The following GABRA2 variants were observed in gnomAD, a reference collection of about 807,000 sequenced individuals.
GABRA2 encodes the protein gamma-aminobutyric acid receptor subunit alpha-2.
Under a neutral mutation model 48.7 loss-of-function variants are expected in GABRA2, and 16 were observed. That is an observed-to-expected ratio of 0.33 (90% CI 0.22 to 0.50). The LOEUF is 0.50. Ranked by LOEUF, GABRA2 falls within the 20% of genes least tolerant of loss-of-function variation. The pLI, the probability that GABRA2 is intolerant of heterozygous loss-of-function variation, is 0.98. For missense variants in GABRA2, 275 were observed against 535.6 expected (o/e 0.51, Z 4.80); for synonymous variants, 185 against 184.5 (o/e 1.00, Z -0.02).
At chr4:46,381,599 G>T (rs760340768) in intron 3 of GABRA2, among the ~76,000 whole-genome samples, 2 of 152,122 alleles carry the variant, frequency 1.3e-5, no homozygotes, top group Non-Finnish European at 2.9e-5. Context: ...CCTATCAATT[G>T]TATGTCACAT....
intron 8 of GABRA2, among the ~76,000 whole-genome samples, chr4:46,264,028 T>A (rs1021967679): frequency 7.2e-5 from 11 of 151,996 alleles, no homozygotes; most frequent in Non-Finnish European, 1.3e-4. Flanking sequence ...TTTCAGTGTA[T>A]AAGTCTTTCA....
chr4:46,304,599 T>C (rs866491320), intron 7 of GABRA2, among the ~76,000 whole-genome samples: 172 of 152,074 alleles, frequency 1.1e-3, no homozygotes, highest in African/African-American at 4.0e-3. Flanking sequence ...TCATAAATTA[T>C]CTAGAATAGG....
chr4:46,291,444 C>T (rs931463019), intron 8 of GABRA2, among the ~76,000 whole-genome samples: 10 of 152,124 alleles, frequency 6.6e-5, no homozygotes, highest in African/African-American at 2.2e-4. Flanking sequence ...ATCCTGGGTG[C>T]GTCTGTGAGG....
At chr4:46,328,788 T>C (rs1162810747) in intron 4 of GABRA2, among the ~76,000 whole-genome samples, 1 of 152,080 alleles carries the variant, frequency 6.6e-6, no homozygotes, top group Non-Finnish European at 1.5e-5. Context: ...CACAGCCACG[T>C]CTCATTGCTC....
chr4:46,254,937 C>T (rs1244368478), intron 9 of GABRA2, among the ~76,000 whole-genome samples: 1 of 151,516 alleles, frequency 6.6e-6, no homozygotes, highest in African/African-American at 2.4e-5. Context: ...ATTAACTCCA[C>T]ATTGTCCCCT....
chr4:46,261,898 T>C (rs1402387111), intron 9 of GABRA2, 28 bp downstream of exon 9: 1 of 1,574,238 alleles, frequency 6.4e-7, no homozygotes. Flanking sequence ...ATTTTCTTAA[T>C]AATGATAACA....
intron 8 of GABRA2, among the ~76,000 whole-genome samples, chr4:46,290,458 T>C (rs182378939): frequency 1.3e-5 from 2 of 152,256 alleles, no homozygotes; most frequent in African/African-American, 2.4e-5. Flanking sequence ...CAATGATTTG[T>C]AGTTTTCAGT....
intron 3 of GABRA2, among the ~76,000 whole-genome samples, chr4:46,345,952 G>C (rs947577422): frequency 4.0e-5 from 6 of 151,878 alleles, no homozygotes; most frequent in Non-Finnish European, 8.8e-5. Context: ...AGTAAATCAG[G>C]CTGTAGATGA....
At chr4:46,263,144 TAAC>T (rs1157725837) in intron 8 of GABRA2, among the ~76,000 whole-genome samples, 1 of 151,714 alleles carries the variant, frequency 6.6e-6, no homozygotes, top group East Asian at 1.9e-4. Context: ...GAAATGAAAA[TAAC>T]AAATCAGCAG....
chr4:46,256,152 T>A, intron 9 of GABRA2: 1 of 533,698 alleles, frequency 1.9e-6, no homozygotes, highest in Non-Finnish European at 3.4e-6. Flanking sequence ...ATGCTATTGT[T>A]AACTGTCTAC....
chr4:46,284,054 C>A (rs572704404), intron 8 of GABRA2, among the ~76,000 whole-genome samples: 1 of 146,046 alleles, frequency 6.8e-6, no homozygotes, highest in Non-Finnish European at 1.5e-5. Flanking sequence ...CCACCAAGTC[C>A]GGCCTGATTT....
rs1222437424 is a variant in GABRA2, at chr4:46,386,147, G to A, written c.114C>T (p.Asn38=). ...ANIQEDEAKN[N]ITIFTRILDR... ...CAAGAATTCTCGTAAAGATGGTAAT[G>A]TTATTTTTAGCCTCATCTTCTTGGA... The change falls in exon 3 of 10, where the codon AAC becomes AAT. Residue 38 remains asparagine (N), a synonymous_variant. Coordinates refer to ENST00000381620, the MANE Select transcript of GABRA2 (RefSeq NM_000807.4). 6 of 1,610,844 alleles carry A rather than the reference G, an allele frequency of 3.7e-6. No individual in the cohort carries two copies. Among genetic ancestry groups the A allele is most frequent in the Non-Finnish European group, 4.2e-6 (5 of 1,178,924 alleles).
chr4:46,277,519 T>C (rs919509200), intron 8 of GABRA2, among the ~76,000 whole-genome samples: 1 of 152,164 alleles, frequency 6.6e-6, no homozygotes, highest in Non-Finnish European at 1.5e-5. Flanking sequence ...ACCTTCTCAC[T>C]TACTTTTCCA....
At chr4:46,345,894 T>C (rs1030745636) in intron 3 of GABRA2, among the ~76,000 whole-genome samples, 9 of 152,020 alleles carry the variant, frequency 5.9e-5, no homozygotes, top group Non-Finnish European at 1.3e-4. Context: ...CCCTGTAATT[T>C]AGATTTTAAC....
Position 46,330,563 on chromosome 4 carries a change from CATATATATAT to C in GABRA2, c.255+2042_255+2051del, listed in dbSNP as rs71955894. On this transcript the variant is annotated intron_variant, in intron 4 of 9. Coordinates refer to ENST00000381620, the MANE Select transcript of GABRA2 (RefSeq NM_000807.4). ...GTTTGCATTTATGTATGTATATATG[CATATATATAT>C]ATATATATATATATATATAGAGAGA... is the stretch of plus-strand genomic sequence containing the variant. 5.5e-5 allele frequency among the ~76,000 whole-genome samples: 7 copies of C among 128,356 alleles called. No homozygotes were observed. In the South Asian group the frequency reaches 1.0e-3, roughly 19 times the overall value. The allele number at this position is 128,356 out of a possible 152,430, so 84.2% of individuals were successfully genotyped here. A position where few individuals can be genotyped will look rare whatever the true frequency, so the allele number is the denominator to read the frequency against.
At chr4:46,317,558 G>T (rs1017923370) in intron 4 of GABRA2, among the ~76,000 whole-genome samples, 24 of 151,710 alleles carry the variant, frequency 1.6e-4, no homozygotes, top group Non-Finnish European at 3.4e-4. Flanking sequence ...TCAGTGTACC[G>T]TGATTGTGCC....
At chr4:46,266,617 A>C (rs1718285991) in intron 8 of GABRA2, among the ~76,000 whole-genome samples, 1 of 150,622 alleles carries the variant, frequency 6.6e-6, no homozygotes, top group Non-Finnish European at 1.5e-5. Flanking sequence ...GTGATTTCTT[A>C]GCGTTTACTT....
At chr4:46,255,384 G>T (rs1242495201) in intron 9 of GABRA2, among the ~76,000 whole-genome samples, 1 of 151,548 alleles carries the variant, frequency 6.6e-6, no homozygotes, top group Non-Finnish European at 1.5e-5. Context: ...TAAGTCTCCT[G>T]AATGTCTTCA....
At position 46,372,677 on chromosome 4, in the gene GABRA2, T is replaced by C. The variant is rs528964116; in HGVS notation, c.187+13397A>G. ...GAAGGCTACTATGATAATTCTTCTCTTACCTATATTTGATAATTTTATTCC... is the reference window on the plus strand; with the variant it reads ...GAAGGCTACTATGATAATTCTTCTCCTACCTATATTTGATAATTTTATTCC... On this transcript the variant is annotated intron_variant, in intron 3 of 9. Transcript: ENST00000381620. Among the ~76,000 whole-genome samples the C allele has an allele frequency of 9.2e-5, 14 of 152,306 alleles. No individual in the cohort carries two copies. The South Asian group carries it at 2.9e-3, about 32-fold the overall frequency.
Sources: gnomAD v4.1 joint callset for allele counts (sites outside exome capture counted in the v4.1 genomes callset) on GRCh38, gnomAD v4.1.1 for gene constraint, MANE v1.5 for transcripts, NCBI Gene and HGNC (gene_info 2026-07-23, HGNC 2026-07-21) for gene names.